The following CARS2 variants were observed in gnomAD, a reference collection of about 807,000 sequenced individuals.
CARS2 encodes the protein cysteinyl-tRNA synthetase 2, mitochondrial.
CARS2 carries 52 observed loss-of-function variants against 68.8 expected under a neutral mutation model. The observed-to-expected ratio is 0.76, with a 90% confidence interval of 0.61 to 0.95. CARS2 has a LOEUF of 0.95. Ranked by LOEUF, CARS2 falls within the 40% of genes least tolerant of loss-of-function variation. The pLI, the probability that CARS2 is intolerant of heterozygous loss-of-function variation, is 0.00. For missense variants in CARS2, 780 were observed against 754.2 expected, an observed-to-expected ratio of 1.03 and a Z score of -0.40; for synonymous variants, 314 against 303.6, an observed-to-expected ratio of 1.03 and a Z score of -0.36.
intron 6 of CARS2, among the ~76,000 whole-genome samples, chr13:110,677,725 C>T (rs145764371): frequency 0.068 from 5,597 of 81,788 alleles, no homozygotes; most frequent in Middle Eastern, 0.13. Flanking sequence ...ACAGCCACCC[C>T]GCCACGGAAA....
At position 110,668,414 on chromosome 13, in the gene CARS2, T is replaced by G. The variant is rs1594300351; in HGVS notation, c.786-941A>C. 6.6e-6 allele frequency among the ~76,000 whole-genome samples: 1 copy of G among 151,668 alleles called. No individual in the cohort carries two copies. Among genetic ancestry groups the G allele is most frequent in the African/African-American group, 2.4e-5 (1 of 41,224 alleles). On this transcript the variant is annotated intron_variant, in intron 7 of 14. Coordinates refer to ENST00000257347, the MANE Select transcript of CARS2 (RefSeq NM_024537.4). The surrounding 1 kb of genome is among the most constrained non-coding windows in gnomAD (Gnocchi z 4.1). ...AAAATCAGCCGGGCGTGGTGGCGGG[T>G]GCCTGTAGTCCCAGCTGCTTGGGAG...
In CARS2 at chr13:110,687,754, T is replaced by A. The variant is rs72661692; in HGVS notation, c.538A>T (p.Ile180Phe). 0.068 allele frequency: 109,031 copies of A among 1,609,722 alleles called. 4,072 individuals carry two copies. Among genetic ancestry groups the A allele is most frequent in the East Asian group, 0.12 (5,280 of 44,734 alleles). Residue 180 changes from isoleucine (I) to phenylalanine (F), a missense_variant, in exon 5 of 15, where the codon ATT becomes TTT. By Grantham distance (21) the Ile-to-Phe change is conservative. Coordinates refer to ENST00000257347, the MANE Select transcript of CARS2 (RefSeq NM_024537.4). ...GTTGAATAAGCGTTCCCACGAGCAATGATTCCTTCAATGAAAGAAATTATC... is the reference window on the plus strand; with the variant it reads ...GTTGAATAAGCGTTCCCACGAGCAAAGATTCCTTCAATGAAAGAAATTATC... ...PQIISFIEGI[I>F]ARGNAYSTAK...
Position 110,649,931 on chromosome 13 carries a change from C to CTGTTTTTTTTTTTTTTTTTTT in CARS2, c.1054+1102_1054+1103insAAAAAAAAAAAAAAAAAAACA, listed in dbSNP as rs1249270267. Among the ~76,000 whole-genome samples the CTGTTTTTTTTTTTTTTTTTTT allele has an allele frequency of 1.6e-3, 114 of 73,152 alleles. 1 individual carries two copies. The highest frequency in any genetic ancestry group is 3.1e-3 in the East Asian group (7 of 2,248). The allele number at this position is 73,152 out of a possible 152,430, so 48.0% of individuals were successfully genotyped here. ...CCAGGGATGCAGCTCTGGATAACGA[C>CTGTTTTTTTTTTTTTTTTTTT]TTTTTTTTTTTTTTTTTTTTTTTTG... On this transcript the variant is annotated intron_variant, in intron 10 of 14. Coordinates refer to ENST00000257347, the MANE Select transcript of CARS2 (RefSeq NM_024537.4).
At chr13:110,642,608 A>G (rs1162954168) in intron 13 of CARS2, 87 bp from the exon 14 acceptor site, 4 of 1,284,234 alleles carry the variant, frequency 3.1e-6, no homozygotes, top group Non-Finnish European at 4.5e-6. Flanking sequence ...CTCTGGGCCG[A>G]CACCCACCCA....
At chr13:110,641,739 A>G in intron 14 of CARS2, 131 bp from the exon 15 acceptor site, 1 of 755,204 alleles carries the variant, frequency 1.3e-6, no homozygotes, top group Non-Finnish European at 2.3e-6. Flanking sequence ...CCAGGCGCTT[A>G]GAAAGGGCCC....
rs146878400 is a variant in CARS2 at position 110,646,025 on chromosome 13, A to G, written c.1259T>C (p.Val420Ala). ...LADDFDTPRVVDAILGLAHHG... is the reference protein window; with the variant it reads ...LADDFDTPRVADAILGLAHHG... ...GTGTGCAAGGCCCAGGATGGCATCAACCACCCTGGGTGTGTCAAAATCATC... is the reference window on the plus strand; with the variant it reads ...GTGTGCAAGGCCCAGGATGGCATCAGCCACCCTGGGTGTGTCAAAATCATC... Residue 420 changes from valine to alanine, a missense_variant, in exon 12 of 15, where the codon GTT (valine) becomes GCT (alanine). By Grantham distance (64) the Val-to-Ala change is moderately conservative (BLOSUM62 0). Coordinates refer to ENST00000257347, the MANE Select transcript of CARS2 (RefSeq NM_024537.4). 2.5e-5 allele frequency: 41 copies of G among 1,613,776 alleles called. No homozygotes were observed. Among genetic ancestry groups the G allele is most frequent in the Admixed American group, 1.3e-4 (8 of 59,986 alleles).
At chr13:110,712,613 G>A (rs1018016908) in intron 1 of CARS2, 2 of 463,126 alleles carry the variant, frequency 4.3e-6, no homozygotes. Flanking sequence ...CCAAAATCCG[G>A]GAGCTTTGGG....
At chr13:110,697,905 G>A (rs1223755858) in intron 3 of CARS2, 20 of 451,612 alleles carry the variant, frequency 4.4e-5, no homozygotes, top group Non-Finnish European at 8.0e-5. Context: ...ATAGAAAATA[G>A]GAAGACAGAG....
chr13:110,673,504 A>T (rs1004278670), intron 7 of CARS2, among the ~76,000 whole-genome samples: 1 of 152,212 alleles, frequency 6.6e-6, no homozygotes, highest in African/African-American at 2.4e-5. Flanking sequence ...CTTTTGACAA[A>T]ATTCAACAGC....
intron 8 of CARS2, chr13:110,664,431 C>T (rs1458445835): frequency 1.8e-5 from 5 of 283,596 alleles, no homozygotes; most frequent in African/African-American, 4.6e-5. Context: ...GTGGGAGGAT[C>T]GCTTGAGCCC....
chr13:110,655,724 T>G (rs561284017), intron 9 of CARS2, among the ~76,000 whole-genome samples: 69 of 152,232 alleles, frequency 4.5e-4, no homozygotes, highest in Non-Finnish European at 7.2e-4. Flanking sequence ...TTTCAAACTT[T>G]CTGAAATTAA....
intron 13 of CARS2, chr13:110,642,921 G>A (rs985847609): frequency 9.1e-5 from 37 of 407,680 alleles, no homozygotes; most frequent in South Asian, 1.4e-4. Flanking sequence ...CGTGTGTTTC[G>A]GCAAATGGTC....
At chr13:110,659,399 C>T (rs1307849103) in intron 9 of CARS2, among the ~76,000 whole-genome samples, 3 of 152,202 alleles carry the variant, frequency 2.0e-5, no homozygotes, top group Non-Finnish European at 4.4e-5. Flanking sequence ...AATAGAGAGG[C>T]TCAATCTGCA....
chr13:110,695,324 T>C (rs1566342371), intron 3 of CARS2, among the ~76,000 whole-genome samples: 1 of 152,132 alleles, frequency 6.6e-6, no homozygotes, highest in Non-Finnish European at 1.5e-5. Flanking sequence ...TTTTAAAAAA[T>C]ATAGTACTAC....
At chr13:110,664,871 A>C (rs927755880) in intron 8 of CARS2, 1 of 487,484 alleles carries the variant, frequency 2.1e-6, no homozygotes, top group Non-Finnish European at 2.7e-6. Flanking sequence ...GGCCCTCCCG[A>C]GACACCGAGT....
intron 6 of CARS2, among the ~76,000 whole-genome samples, chr13:110,678,840 G>A (rs918534689): frequency 1.3e-5 from 2 of 152,158 alleles, no homozygotes; most frequent in Admixed American, 6.5e-5. Flanking sequence ...GACGGTGGGA[G>A]GGGGGAAGAG....
At chr13:110,689,415 G>A (rs1183981781) in intron 3 of CARS2, among the ~76,000 whole-genome samples, 1 of 152,194 alleles carries the variant, frequency 6.6e-6, no homozygotes, top group Non-Finnish European at 1.5e-5. Flanking sequence ...GTGGGGCCAG[G>A]TCCCAACCAT....
At chr13:110,642,852 C>T (rs1218525969) in intron 13 of CARS2, 1 of 574,704 alleles carries the variant, frequency 1.7e-6, no homozygotes, top group Non-Finnish European at 3.3e-6. Flanking sequence ...CAATTGTGGC[C>T]GAGGTATCAG....
chr13:110,669,882 G>A (rs1411038439), intron 7 of CARS2, among the ~76,000 whole-genome samples: 1 of 152,162 alleles, frequency 6.6e-6, no homozygotes, highest in Non-Finnish European at 1.5e-5. Context: ...TTTTCCAATG[G>A]TCTTAGCAAA....
Sources: allele counts gnomAD v4.1 joint callset (sites outside exome capture counted in the v4.1 genomes callset), GRCh38; gene constraint gnomAD v4.1.1; non-coding constraint Gnocchi (gnomAD v3.1); transcripts MANE v1.5; gene names NCBI Gene and HGNC (gene_info 2026-07-23, HGNC 2026-07-21).